Variants in LMAN2 observed in about 807,000 individuals in gnomAD.
LMAN2 encodes vesicular integral-membrane protein VIP36.
In LMAN2, 22 loss-of-function variants were observed where a neutral mutation model predicts 39.3. That is an observed-to-expected ratio of 0.56 (90% CI 0.40 to 0.80). The LOEUF (loss-of-function observed/expected upper bound fraction) is 0.80. Ranked by LOEUF, LMAN2 falls within the 30% of genes least tolerant of loss-of-function variation. The probability of loss-of-function intolerance (pLI) is 0.00; values close to 1 mark genes in which losing one functional copy is unlikely to be tolerated. For missense variants in LMAN2, 494 were observed against 505.4 expected, an observed-to-expected ratio of 0.98 and a Z score of 0.22; for synonymous variants, 207 against 207.8, an observed-to-expected ratio of 1.00 and a Z score of 0.03.
chr5:177,350,589 T>C (rs188422031), intron 2 of LMAN2, among the ~76,000 whole-genome samples: 1 of 152,284 alleles, frequency 6.6e-6, no homozygotes, highest in African/African-American at 2.4e-5. Context: ...ACTGTCCAGG[T>C]GAAAAGAGTC....
At chr5:177,350,084 G>A (rs912479255) in intron 2 of LMAN2, among the ~76,000 whole-genome samples, 13 of 152,234 alleles carry the variant, frequency 8.5e-5, no homozygotes, top group African/African-American at 2.9e-4. Context: ...CACGCTCTGA[G>A]GATCAGACTG....
At chr5:177,343,141 G>A (rs1206798204) in intron 2 of LMAN2, among the ~76,000 whole-genome samples, 1 of 152,076 alleles carries the variant, frequency 6.6e-6, no homozygotes, top group Admixed American at 6.6e-5. Context: ...TGTAGTCCCA[G>A]CTATTCGGGA....
intron 6 of LMAN2, among the ~76,000 whole-genome samples, chr5:177,336,488 C>T (rs1761472709): frequency 1.3e-5 from 2 of 152,184 alleles, no homozygotes; most frequent in Non-Finnish European, 2.9e-5. Context: ...ACTTGGGAGA[C>T]TCCTGTGAGA....
In LMAN2 at chr5:177,332,922, G is replaced by GC. The variant is rs991969904; in HGVS notation, c.911-677dup. 3.3e-5 allele frequency among the ~76,000 whole-genome samples: 5 copies of GC among 152,144 alleles called. No individual in the cohort carries two copies. Among genetic ancestry groups the GC allele is most frequent in the South Asian group, 4.1e-4 (2 of 4,824 alleles). ...CACTCTGCCTCCCTCCCTGACTGCGGCCCCCCCGACTCCACACTGTACAGT... is the reference window on the plus strand; with the variant it reads ...CACTCTGCCTCCCTCCCTGACTGCGGCCCCCCCCGACTCCACACTGTACAGT... On this transcript the variant is annotated intron_variant, in intron 7 of 7. Coordinates refer to ENST00000303127, the MANE Select transcript of LMAN2 (RefSeq NM_006816.3). The surrounding 1 kb of genome is among the most constrained non-coding windows in gnomAD (Gnocchi z 6.3).
At chr5:177,341,414 G>A (rs1271960379) in intron 2 of LMAN2, among the ~76,000 whole-genome samples, 1 of 152,154 alleles carries the variant, frequency 6.6e-6, no homozygotes, top group Non-Finnish European at 1.5e-5. Context: ...GGGAAAAAAG[G>A]CAATGACTCT....
chr5:177,334,407 C>T lies in LMAN2; in HGVS notation c.791-4G>A. ...ATGGAGATGATGTCATGATTGTCTG[C>T]AGGACCAAGAATAAACCTGTGACAG... On this transcript the variant is annotated splice_polypyrimidine_tract_variant and splice_region_variant and intron_variant, in intron 6 of 7. Coordinates refer to ENST00000303127, the MANE Select transcript of LMAN2 (RefSeq NM_006816.3). 2 of 1,611,732 alleles carry T rather than the reference C, an allele frequency of 1.2e-6. 1 individual carries two copies.
At chr5:177,347,280 G>A (rs1259505064) in intron 2 of LMAN2, among the ~76,000 whole-genome samples, 2 of 152,076 alleles carry the variant, frequency 1.3e-5, no homozygotes, top group African/African-American at 4.8e-5. Flanking sequence ...GAGTGAGGGA[G>A]GTGGGAAAGG....
chr5:177,336,073 C>T (rs1335353147), intron 6 of LMAN2, among the ~76,000 whole-genome samples: 1 of 152,184 alleles, frequency 6.6e-6, no homozygotes, highest in Non-Finnish European at 1.5e-5. Flanking sequence ...AAATTAATTA[C>T]TCGGTAGACT....
intron 2 of LMAN2, among the ~76,000 whole-genome samples, chr5:177,345,580 G>A (rs1445138761): frequency 6.6e-6 from 1 of 151,936 alleles, no homozygotes; most frequent in Admixed American, 6.6e-5. Flanking sequence ...AATGTATCAT[G>A]CAAACACTAA....
At chr5:177,333,736 G>A (rs1369376770) in intron 7 of LMAN2, among the ~76,000 whole-genome samples, 1 of 152,240 alleles carries the variant, frequency 6.6e-6, no homozygotes, top group Non-Finnish European at 1.5e-5. Flanking sequence ...GTGAGGAAAG[G>A]GGTAGCTAAT....
In LMAN2 at chr5:177,337,260, C is replaced by G; in HGVS notation, c.676-10G>C. The G allele has an allele frequency of 1.2e-6, 2 of 1,613,668 alleles. No individual in the cohort carries two copies. The highest frequency in any genetic ancestry group is 1.7e-6 in the Non-Finnish European group (2 of 1,179,770). ...CCAGGTCGGTCATCACCTGCAGGGCCCAGCACGCTAAGCACCTCGCAGGAC... is the reference window on the plus strand; with the variant it reads ...CCAGGTCGGTCATCACCTGCAGGGCGCAGCACGCTAAGCACCTCGCAGGAC... On this transcript the variant is annotated splice_polypyrimidine_tract_variant and intron_variant, in intron 5 of 7. Transcript: ENST00000303127. The surrounding 1 kb of genome is among the most constrained non-coding windows in gnomAD (Gnocchi z 8.2).
At chr5:177,348,211 TATA>T (rs1299253319) in intron 2 of LMAN2, among the ~76,000 whole-genome samples, 11 of 152,196 alleles carry the variant, frequency 7.2e-5, no homozygotes, top group Non-Finnish European at 1.2e-4. Flanking sequence ...TACAGATAAT[TATA>T]ATAATCTCAA....
chr5:177,334,309 G>T lies in LMAN2; in HGVS notation c.885C>A (p.Ser295Arg). 6.2e-7 allele frequency: 1 copy of T among 1,612,612 alleles called. No homozygotes were observed. The highest frequency in any genetic ancestry group is 8.5e-7 in the Non-Finnish European group (1 of 1,179,968). The change falls in exon 7 of 8, where the codon AGC (serine) becomes AGA (arginine). Residue 295 changes from serine to arginine, a missense_variant. By Grantham distance (110) the Ser-to-Arg change is moderately radical (BLOSUM62 -1). Transcript: ENST00000303127. ...ESIDWTKIEPSVNFLKSPKDN... is the reference protein window; with the variant it reads ...ESIDWTKIEPRVNFLKSPKDN... The stretch of plus-strand genomic sequence containing the variant: ...CTTTGGGCGACTTGAGGAAGTTGAC[G>T]CTGGGCTCGATCTTGGTCCAGTCGA...
rs6863930 is a variant in LMAN2, at chr5:177,332,690, C to T, written c.911-444G>A. On this transcript the variant is annotated intron_variant, in intron 7 of 7. Coordinates refer to ENST00000303127, the MANE Select transcript of LMAN2 (RefSeq NM_006816.3). The surrounding 1 kb of genome is among the most constrained non-coding windows in gnomAD (Gnocchi z 6.3). Reference sequence around the variant, plus strand: ...ACAGCTGGATGCTCTCGGCAGCCCCCCAGGAGGGTCTCCCAGGACCTGAGT... The same window carrying T: ...ACAGCTGGATGCTCTCGGCAGCCCCTCAGGAGGGTCTCCCAGGACCTGAGT... 5.7e-3 allele frequency among the ~76,000 whole-genome samples: 871 copies of T among 152,190 alleles called. 11 individuals carry two copies. The highest frequency in any genetic ancestry group is 0.02 in the African/African-American group (811 of 41,522).
intron 6 of LMAN2, among the ~76,000 whole-genome samples, chr5:177,336,105 AG>A (rs1270976869): frequency 9.9e-5 from 15 of 152,242 alleles, no homozygotes; most frequent in Non-Finnish European, 2.2e-4. Flanking sequence ...AATATTATGA[AG>A]AAAAATAAAG....
chr5:177,341,941 G>A (rs904543902), intron 2 of LMAN2, among the ~76,000 whole-genome samples: 1 of 151,986 alleles, frequency 6.6e-6, no homozygotes, highest in African/African-American at 2.4e-5. Flanking sequence ...ACTGAGAAAA[G>A]AGCATATAAC....
chr5:177,348,779 G>C (rs963800508), intron 2 of LMAN2, among the ~76,000 whole-genome samples: 3 of 150,788 alleles, frequency 2.0e-5, no homozygotes, highest in East Asian at 3.9e-4. Flanking sequence ...AGCTACTCAG[G>C]GGGCTGAGGC....
At position 177,333,969 on chromosome 5, in the gene LMAN2, C is replaced by T. The variant is rs560844009; in HGVS notation, c.910+315G>A. ...GGAGGATGCTGGCCCACCACTCACA[C>T]GTTTGTTGATCAGCCACTGCTTGCT... is the stretch of plus-strand genomic sequence containing the variant. On this transcript the variant is annotated intron_variant, in intron 7 of 7. Coordinates refer to ENST00000303127, the MANE Select transcript of LMAN2 (RefSeq NM_006816.3). 2.6e-5 allele frequency among the ~76,000 whole-genome samples: 4 copies of T among 152,378 alleles called. No homozygotes were observed. In the East Asian group the frequency reaches 5.8e-4, roughly 22 times the overall value.
At chr5:177,349,710 T>C (rs1178274082) in intron 2 of LMAN2, among the ~76,000 whole-genome samples, 1 of 152,204 alleles carries the variant, frequency 6.6e-6, no homozygotes, top group Non-Finnish European at 1.5e-5. Context: ...CAAAAAATAA[T>C]AATAATGCTA....
Sources: allele counts gnomAD v4.1 joint callset (sites outside exome capture counted in the v4.1 genomes callset), GRCh38; gene constraint gnomAD v4.1.1; non-coding constraint Gnocchi (gnomAD v3.1); transcripts MANE v1.5; gene names NCBI Gene and HGNC (gene_info 2026-07-23, HGNC 2026-07-21).